SLC5A4: variants seen among roughly 807,000 people sequenced by gnomAD.
SLC5A4 encodes the protein probable glucose sensor protein SLC5A4.
A neutral mutation model predicts 70.3 loss-of-function variants in SLC5A4; 55 were observed. That is an observed-to-expected ratio of 0.78 (90% CI 0.63 to 0.98). The LOEUF (loss-of-function observed/expected upper bound fraction) is 0.98, where lower values mean the gene tolerates loss of function less well. Among genes scored for constraint, SLC5A4 ranks in the 50% least tolerant of loss-of-function variants. SLC5A4 has a pLI of 0.00. For synonymous variants in SLC5A4, 268 were observed against 305.7 expected (o/e 0.88, Z 1.29); for missense variants, 735 against 839.2 (o/e 0.88, Z 1.53).
At chr22:32,282,834 C>A in the SLC5A4 span, among the ~76,000 whole-genome samples, 1 of 152,192 alleles carries the variant, frequency 6.6e-6, no homozygotes, top group East Asian at 1.9e-4. Context: ...TCCAATCTGT[C>A]AGGAAATTGT....
At position 32,251,753 on chromosome 22, in the gene SLC5A4, C is replaced by G. The variant is rs1927174665; in HGVS notation, c.312+17G>C. On this transcript the variant is annotated intron_variant, in intron 3 of 14. Transcript: ENST00000266086. ...TATGGTTTTGATTTGAAGGAAAAAG[C>G]CTATGATGTCACTTACAGTCCATTC... 1.2e-5 allele frequency: 18 copies of G among 1,468,846 alleles called. No individual in the cohort carries two copies. Among genetic ancestry groups the G allele is most frequent in the Non-Finnish European group, 1.7e-5 (18 of 1,047,440 alleles). The allele number at this position is 1,468,846 out of a possible 1,614,324, so 91.0% of individuals were successfully genotyped here.
At chr22:32,335,417 C>T in the SLC5A4 span, among the ~76,000 whole-genome samples, 5 of 152,150 alleles carry the variant, frequency 3.3e-5, no homozygotes, top group African/African-American at 4.8e-5. Flanking sequence ...GAAGGAGGCA[C>T]GCTTGGCAGG....
At chr22:32,302,643 G>C in the SLC5A4 span, among the ~76,000 whole-genome samples, 5 of 152,214 alleles carry the variant, frequency 3.3e-5, no homozygotes, top group East Asian at 9.7e-4. Flanking sequence ...ATATGTGTGG[G>C]TCTATTTAAG....
At chr22:32,258,794 A>T (rs73164057), upstream of SLC5A4, among the ~76,000 whole-genome samples, 7,571 of 152,332 alleles carry the variant, frequency 0.05, 234 homozygotes, top group South Asian at 0.079. Flanking sequence ...GTTCATAAGT[A>T]CTATTCACAA....
At chr22:32,251,950 C>T in intron 2 of SLC5A4, 76 bp from the exon 3 acceptor site, 1 of 1,124,840 alleles carries the variant, frequency 8.9e-7, no homozygotes, top group Non-Finnish European at 1.3e-6. Context: ...ACAGATGTAG[C>T]TGGGCGTGGT....
At chr22:32,220,324 A>G (rs994534370) in intron 14 of SLC5A4, among the ~76,000 whole-genome samples, 8 of 152,290 alleles carry the variant, frequency 5.3e-5, no homozygotes, top group Admixed American at 3.3e-4. Flanking sequence ...AAAACAGACA[A>G]TTATTGTCCA....
chr22:32,308,907 C>T, the SLC5A4 span, among the ~76,000 whole-genome samples: 1 of 152,198 alleles, frequency 6.6e-6, no homozygotes, highest in African/African-American at 2.4e-5. Context: ...CACATGTTCC[C>T]AATAACTTCA....
At chr22:32,220,032 A>AAC (rs3069413) in intron 14 of SLC5A4, among the ~76,000 whole-genome samples, 1,717 of 149,772 alleles carry the variant, frequency 0.011, 20 homozygotes, top group African/African-American at 0.023. Context: ...TAAGATGTGC[A>AAC]ACACACACAC....
chr22:32,318,017 C>T, the SLC5A4 span, among the ~76,000 whole-genome samples: 1 of 152,072 alleles, frequency 6.6e-6, no homozygotes, highest in Admixed American at 6.6e-5. Flanking sequence ...AATTCTCAGT[C>T]CCCCTTTCAC....
chr22:32,264,199 T>TA, the SLC5A4 span, among the ~76,000 whole-genome samples: 28 of 148,028 alleles, frequency 1.9e-4, no homozygotes, highest in East Asian at 2.6e-3. Flanking sequence ...AAAAAAAAAT[T>TA]AAAAAAAAAA....
At chr22:32,231,100 C>G in intron 9 of SLC5A4, 25 bp from the exon 10 acceptor site, 2 of 1,416,642 alleles carry the variant, frequency 1.4e-6, no homozygotes, top group Non-Finnish European at 2.0e-6. Flanking sequence ...AGAAGTGAGT[C>G]CAATGAGGCC....
chr22:32,316,934 C>CTCTGTGTG, the SLC5A4 span, among the ~76,000 whole-genome samples: 11 of 148,622 alleles, frequency 7.4e-5, no homozygotes, highest in African/African-American at 2.0e-4. Flanking sequence ...ATTAACAACT[C>CTCTGTGTG]TGTGTGTGTG....
intron 9 of SLC5A4, among the ~76,000 whole-genome samples, 155 bp from the exon 10 acceptor site, chr22:32,231,230 C>CCT (rs1034200479): frequency 2.0e-5 from 3 of 152,198 alleles, no homozygotes; most frequent in African/African-American, 7.2e-5. Context: ...AGATCTGGCC[C>CCT]CTCTATGCCC....
At chr22:32,341,245 G>T in the SLC5A4 span, among the ~76,000 whole-genome samples, 67 of 152,120 alleles carry the variant, frequency 4.4e-4, no homozygotes, top group Non-Finnish European at 8.8e-4. Flanking sequence ...GGGTCCCCAG[G>T]GAGTGGGTGG....
At chr22:32,343,125 C>T in the SLC5A4 span, 2 of 152,220 alleles carry the variant, frequency 1.3e-5, no homozygotes, top group African/African-American at 4.8e-5. Context: ...GTCTTTATGA[C>T]CATGTCATCT....
At chr22:32,244,192 G>A (rs1926689497) in intron 5 of SLC5A4, among the ~76,000 whole-genome samples, 1 of 152,138 alleles carries the variant, frequency 6.6e-6, no homozygotes, top group Non-Finnish European at 1.5e-5. Flanking sequence ...TGCACATTGG[G>A]GTTTCCCAGG....
In SLC5A4 at chr22:32,235,244, GTAC is replaced by G. The variant is rs968881361; in HGVS notation, c.665-154_665-152del. On this transcript the variant is annotated intron_variant, in intron 7 of 14. Transcript: ENST00000266086. ...CCTCTCCCAGGTCCATGTCTTTCTGGTACCTCCGCTGGCATTGGCCATGCTACC... is the reference window on the plus strand; with the variant it reads ...CCTCTCCCAGGTCCATGTCTTTCTGGCTCCGCTGGCATTGGCCATGCTACC... 2.6e-4 allele frequency: 157 copies of G among 610,664 alleles called. No individual in the cohort carries two copies. In the African/African-American group the frequency reaches 2.7e-3, roughly 10 times the overall value. 37.8% of individuals were successfully genotyped at this position (610,664 alleles called of 1,614,324 possible).
rs1413586190 is a variant in SLC5A4, at chr22:32,220,990, A to G, written c.1698T>C (p.Ser566=). 1 of 1,613,964 alleles carries G rather than the reference A, an allele frequency of 6.2e-7. No individual in the cohort carries two copies. The highest frequency in any genetic ancestry group is 2.2e-5 in the East Asian group (1 of 44,878). ...LYRLCWVLRN[S]TEERIDIDAE... ...CATCTATATCGATTCGCTCCTCTGT[A>G]CTGTTCCGAAGAACCCAGCACAGGC... The change falls in exon 14 of 15, where the codon AGT becomes AGC. Residue 566 remains serine, a synonymous_variant. Transcript: ENST00000266086.
chr22:32,303,699 C>T, the SLC5A4 span, among the ~76,000 whole-genome samples: 1 of 152,146 alleles, frequency 6.6e-6, no homozygotes, highest in African/African-American at 2.4e-5. Context: ...TTATATCTGT[C>T]CACCTACAGA....
Sources: gnomAD v4.1 joint callset for allele counts (sites outside exome capture counted in the v4.1 genomes callset) on GRCh38, gnomAD v4.1.1 for gene constraint, MANE v1.5 for transcripts, NCBI Gene and HGNC (gene_info 2026-07-23, HGNC 2026-07-21) for gene names.